Variants in COQ8A observed in about 807,000 individuals in gnomAD.
COQ8A encodes the protein atypical kinase COQ8A, mitochondrial.
COQ8A carries 51 observed loss-of-function variants against 65.0 expected under a neutral mutation model. That is an observed-to-expected ratio of 0.78 (90% CI 0.63 to 0.99). The LOEUF (loss-of-function observed/expected upper bound fraction) is 0.99. COQ8A is among the 50% of genes least tolerant of loss of function. The pLI is 0.00. For missense variants in COQ8A, 940 were observed against 875.0 expected (o/e 1.07, Z -0.94); for synonymous variants, 371 against 353.2 (o/e 1.05, Z -0.57).
At chr1:226,982,291 C>T (rs1201461608) in intron 6 of COQ8A, 142 bp downstream of exon 6, 6 of 1,283,854 alleles carry the variant, frequency 4.7e-6, no homozygotes, top group Non-Finnish European at 6.3e-6. Flanking sequence ...AGATAATAGG[C>T]CTGGTCTCCA....
At position 226,986,437 on chromosome 1, in the gene COQ8A, TCCTCTCTTG is replaced by T; in HGVS notation, c.1660-13_1660-5del. ...CTGGTGTCTCGCCGCCATTTATCCT[TCCTCTCTTG>T]CCCCAGGTCATGGAAGACGCCCACT... On this transcript the variant is annotated splice_region_variant and splice_polypyrimidine_tract_variant and intron_variant, in intron 14 of 14. Coordinates refer to ENST00000366777, the MANE Select transcript of COQ8A (RefSeq NM_020247.5). 2 of 1,610,692 alleles carry T rather than the reference TCCTCTCTTG, an allele frequency of 1.2e-6. No homozygotes were observed. Among genetic ancestry groups the T allele is most frequent in the Non-Finnish European group, 1.7e-6 (2 of 1,179,840 alleles).
intron 5 of COQ8A, among the ~76,000 whole-genome samples, chr1:226,977,844 A>ACACGT (rs1659339841): frequency 6.6e-6 from 1 of 150,398 alleles, no homozygotes; most frequent in Admixed American, 6.6e-5. Flanking sequence ...CTGAACACCC[A>ACACGT]CACACAACCC....
rs1187354895 is a variant in COQ8A at position 226,977,437 on chromosome 1, T to C, written c.656-12T>C. The stretch of plus-strand genomic sequence containing the variant: ...GCGTGAGCACTGAGTGCCCGCCCCC[T>C]CCTCCTTGCAGGTCTGGCCGTGGGC... On this transcript the variant is annotated splice_polypyrimidine_tract_variant and intron_variant, in intron 4 of 14. Coordinates refer to ENST00000366777, the MANE Select transcript of COQ8A (RefSeq NM_020247.5). 2 of 1,556,570 alleles carry C rather than the reference T, an allele frequency of 1.3e-6. No individual in the cohort carries two copies. Among genetic ancestry groups the C allele is most frequent in the Non-Finnish European group, 1.7e-6 (2 of 1,150,354 alleles).
intron 1 of COQ8A, among the ~76,000 whole-genome samples, chr1:226,947,378 G>A (rs895256324): frequency 6.6e-6 from 1 of 152,150 alleles, no homozygotes. Flanking sequence ...TACCTCACCA[G>A]GTCTTTGTAA....
At chr1:226,983,907 A>G in intron 10 of COQ8A, 53 bp downstream of exon 10, 1 of 1,585,292 alleles carries the variant, frequency 6.3e-7, no homozygotes, top group South Asian at 1.1e-5. Context: ...GGCAGAAGGG[A>G]CCATGTTCAG....
Position 226,983,535 on chromosome 1 carries a change from C to T in COQ8A, c.1081-17C>T, listed in dbSNP as rs1317155849. 2 of 1,612,560 alleles carry T rather than the reference C, an allele frequency of 1.2e-6. No individual in the cohort carries two copies. The highest frequency in any genetic ancestry group is 1.7e-6 in the Non-Finnish European group (2 of 1,178,958). On this transcript the variant is annotated splice_polypyrimidine_tract_variant and intron_variant, in intron 8 of 14. Coordinates refer to ENST00000366777, the MANE Select transcript of COQ8A (RefSeq NM_020247.5). The stretch of plus-strand genomic sequence containing the variant: ...TCTCCCTGGGCTAACTCCCCTGCCT[C>T]ACCCATACCCCCACAGTACCCTGGC...
chr1:226,956,630 ACACTCTCCCTGGCTGC>A (rs1162909129), intron 1 of COQ8A, among the ~76,000 whole-genome samples: 2 of 63,158 alleles, frequency 3.2e-5, no homozygotes, highest in Admixed American at 1.4e-4. Flanking sequence ...TCCCTGGTTC[ACACTCTCCCTGGCTGC>A]CACTCTCCCT....
chr1:226,958,759 A>G (rs1216812922), intron 1 of COQ8A, among the ~76,000 whole-genome samples: 2 of 152,218 alleles, frequency 1.3e-5, no homozygotes, highest in African/African-American at 2.4e-5. Context: ...GAGAGCAGGC[A>G]GGCACACGGA....
rs776052586 is a variant in COQ8A at position 226,985,238 on chromosome 1, C to T, written c.1573-16C>T. ...TTTTCATGCTGCCCACGGTCCCCTC[C>T]TGTGCCTCTCCCCAGATCATCAGGG... On this transcript the variant is annotated splice_polypyrimidine_tract_variant and intron_variant, in intron 13 of 14. Transcript: ENST00000366777. The T allele has an allele frequency of 8.1e-6, 13 of 1,612,644 alleles. No individual in the cohort carries two copies. The South Asian group carries it at 1.4e-4, about 18-fold the overall frequency.
chr1:226,984,385 C>A, intron 11 of COQ8A, 150 bp downstream of exon 11: 1 of 1,343,428 alleles, frequency 7.4e-7, no homozygotes, highest in Non-Finnish European at 1.0e-6. Context: ...CTTAGGGGGA[C>A]ACAGGGGAGC....
chr1:226,985,418 A>G (rs1660040388), intron 14 of COQ8A, 78 bp downstream of exon 14: 1 of 1,544,354 alleles, frequency 6.5e-7, no homozygotes, highest in Non-Finnish European at 8.9e-7. Context: ...ATGAAAGCAC[A>G]GGGGGCAGCT....
rs977875950 is a variant in COQ8A, at chr1:226,940,383, C to G, written c.-26C>G. 1 of 152,360 alleles carries G rather than the reference C, an allele frequency of 6.6e-6. No individual in the cohort carries two copies. The highest frequency in any genetic ancestry group is 1.9e-4 in the East Asian group (1 of 5,194). The allele number at this position is 152,360 out of a possible 1,614,324, so 9.4% of individuals were successfully genotyped here. ...GCGGCTAGAAGGTGACCGCGGATCC[C>G]AGCTTCCTGCAGCCAGGTAAGGCTG... On this transcript the variant is annotated 5_prime_UTR_variant, in exon 1 of 15. Transcript: ENST00000366777.
intron 4 of COQ8A, among the ~76,000 whole-genome samples, chr1:226,974,382 T>G (rs933120214): frequency 2.0e-5 from 3 of 152,236 alleles, no homozygotes; most frequent in Admixed American, 2.0e-4. Context: ...GGGGCTGGTT[T>G]TCCTCCAGGA....
chr1:226,984,430 C>A, intron 11 of COQ8A, 118 bp from the exon 12 acceptor site: 1 of 1,268,272 alleles, frequency 7.9e-7, no homozygotes, highest in Non-Finnish European at 1.1e-6. Flanking sequence ...CACTGGGAAT[C>A]AAACAGTCCC....
Position 226,977,391 on chromosome 1 carries a change from C to T in COQ8A, c.656-58C>T, listed in dbSNP as rs527463390. Reference sequence around the variant, plus strand: ...TGCTGCCCCAGGCCTTGTGGGTGGGCGAGCGGGTGGCCCCAGCCCTGCGTG... The same window carrying T: ...TGCTGCCCCAGGCCTTGTGGGTGGGTGAGCGGGTGGCCCCAGCCCTGCGTG... On this transcript the variant is annotated intron_variant, in intron 4 of 14. Transcript: ENST00000366777. 167 of 1,512,390 alleles carry T rather than the reference C, an allele frequency of 1.1e-4. 2 individuals carry two copies. In the South Asian group the frequency reaches 1.4e-3, roughly 13 times the overall value. 93.7% of individuals were successfully genotyped at this position (1,512,390 alleles called of 1,614,324 possible).
At chr1:226,956,895 C>T (rs1186092281) in intron 1 of COQ8A, among the ~76,000 whole-genome samples, 3 of 127,100 alleles carry the variant, frequency 2.4e-5, no homozygotes, top group East Asian at 2.7e-4. Flanking sequence ...CCCTGGTTCA[C>T]ACTCTCCCTG....
chr1:226,960,684 T>C (rs1305062663), intron 1 of COQ8A, among the ~76,000 whole-genome samples: 1 of 151,816 alleles, frequency 6.6e-6, no homozygotes, highest in Non-Finnish European at 1.5e-5. Context: ...TTCTTTTGAA[T>C]GGTGGTTAGG....
intron 10 of COQ8A, 89 bp downstream of exon 10, chr1:226,983,943 T>C: frequency 6.5e-7 from 1 of 1,539,400 alleles, no homozygotes; most frequent in Non-Finnish European, 8.8e-7. Context: ...CCTCCAGCTC[T>C]GAGGGGCAGA....
Position 226,985,263 on chromosome 1 carries a change from G to GC in COQ8A, c.1583dup (p.Ala529CysfsTer45), listed in dbSNP as rs780597375. 1 of 1,613,632 alleles carries GC rather than the reference G, an allele frequency of 6.2e-7. No homozygotes were observed. Among genetic ancestry groups the GC allele is most frequent in the South Asian group, 1.1e-5 (1 of 91,090 alleles). On this transcript the variant is annotated frameshift_variant, in exon 14 of 15. Coordinates refer to ENST00000366777, the MANE Select transcript of COQ8A (RefSeq NM_020247.5). LOFTEE classifies it high-confidence loss of function. Reference sequence around the variant, plus strand: ...CTGTGCCTCTCCCCAGATCATCAGGGCTGCTGCCGACAGGGACAGGGAGAC... The same window carrying GC: ...CTGTGCCTCTCCCCAGATCATCAGGGCCTGCTGCCGACAGGGACAGGGAGAC...
Sources: gnomAD v4.1 joint callset for allele counts (sites outside exome capture counted in the v4.1 genomes callset) on GRCh38, gnomAD v4.1.1 for gene constraint, MANE v1.5 for transcripts, NCBI Gene and HGNC (gene_info 2026-07-23, HGNC 2026-07-21) for gene names.